The following PTPRK variants were observed in gnomAD, a reference collection of about 807,000 sequenced individuals.
PTPRK encodes the protein receptor-type tyrosine-protein phosphatase kappa.
In PTPRK, 75 loss-of-function variants were observed where a neutral mutation model predicts 178.0. That is an observed-to-expected ratio of 0.42 (90% CI 0.35 to 0.51). The LOEUF (loss-of-function observed/expected upper bound fraction) is 0.51, where lower values mean the gene tolerates loss of function less well. PTPRK is among the 20% of genes least tolerant of loss of function. The pLI is 0.02. For synonymous variants in PTPRK, 637 were observed against 620.6 expected (o/e 1.03, Z -0.39); for missense variants, 1,441 against 1,797.8 (o/e 0.80, Z 3.59).
Position 128,392,596 on chromosome 6 carries a change from GACAA to G in PTPRK, c.223+4966_223+4969del, listed in dbSNP as rs960119032. On this transcript the variant is annotated intron_variant, in intron 2 of 29. Coordinates refer to ENST00000368226, the MANE Select transcript of PTPRK (RefSeq NM_002844.4). Reference sequence around the variant, plus strand: ...ATGAGGTCATAAGCATAAAAAAATTGACAAACAATGTCAAGAACACACATGTCTT... The same window carrying G: ...ATGAGGTCATAAGCATAAAAAAATTGACAATGTCAAGAACACACATGTCTT... Among the ~76,000 whole-genome samples the G allele has an allele frequency of 3.9e-5, 6 of 152,094 alleles. No individual in the cohort carries two copies. In the East Asian group the frequency reaches 7.8e-4, roughly 20 times the overall value.
Position 128,240,089 on chromosome 6 carries a change from T to G in PTPRK, c.639A>C (p.Thr213=). ...DVEVNAGQNA[T]FQCIATGRDA... is the part of the protein sequence containing the mutation. ...CTCTCCCTGTGGCAATGCACTGAAA[T>G]GTAGCGTTTTGCCCTGCATTCACCT... Residue 213 remains threonine, a synonymous_variant, in exon 5 of 30, where the codon ACA becomes ACC. Transcript: ENST00000368226. 6.2e-7 allele frequency: 1 copy of G among 1,614,118 alleles called. No homozygotes were observed.
intron 11 of PTPRK, among the ~76,000 whole-genome samples, chr6:128,075,485 T>C (rs1229999674): frequency 6.6e-6 from 1 of 152,014 alleles, no homozygotes; most frequent in Non-Finnish European, 1.5e-5. Context: ...CCTTTGGCCA[T>C]GCTCATTTCT....
At chr6:128,156,000 A>G (rs1196844749) in intron 7 of PTPRK, among the ~76,000 whole-genome samples, 3 of 151,920 alleles carry the variant, frequency 2.0e-5, no homozygotes, top group Non-Finnish European at 4.4e-5. Flanking sequence ...CCAGGGTACA[A>G]ACACCAAGTT....
chr6:128,464,639 A>ATATATATATATATG lies in PTPRK; in HGVS notation c.100+55619_100+55620insCATATATATATATA, dbSNP rs1491376779. On this transcript the variant is annotated intron_variant, in intron 1 of 29. Coordinates refer to ENST00000368226, the MANE Select transcript of PTPRK (RefSeq NM_002844.4). ...CATATACATATATATATATATACAC[A>ATATATATATATATG]TATATATATATATATATATATATAT... is the stretch of plus-strand genomic sequence containing the variant. Among the ~76,000 whole-genome samples the ATATATATATATATG allele has an allele frequency of 6.2e-3, 28 of 4,492 alleles. 1 individual carries two copies. The highest frequency in any genetic ancestry group is 0.038 in the East Asian group (17 of 450). 2.9% of individuals were successfully genotyped at this position (4,492 alleles called of 152,430 possible).
chr6:128,066,700 C>CAATAAATA (rs138949244), intron 12 of PTPRK, among the ~76,000 whole-genome samples: 1,781 of 149,496 alleles, frequency 0.012, 26 homozygotes, highest in African/African-American at 0.039. Flanking sequence ...CTCTGTCTGC[C>CAATAAATA]AATAAATAAA....
intron 1 of PTPRK, among the ~76,000 whole-genome samples, chr6:128,442,829 T>A (rs2128401157): frequency 1.3e-5 from 2 of 152,340 alleles, no homozygotes; most frequent in South Asian, 4.1e-4. Flanking sequence ...CCCCTGCATC[T>A]TCATGGCTCT....
chr6:128,381,020 A>G (rs1363447253), intron 2 of PTPRK, among the ~76,000 whole-genome samples: 3 of 152,120 alleles, frequency 2.0e-5, no homozygotes, highest in Non-Finnish European at 4.4e-5. Flanking sequence ...TCAAATCTAG[A>G]TATTTGCTGG....
At chr6:128,460,033 A>G (rs577820141) in intron 1 of PTPRK, among the ~76,000 whole-genome samples, 1 of 152,282 alleles carries the variant, frequency 6.6e-6, no homozygotes, top group Non-Finnish European at 1.5e-5. Flanking sequence ...TACCAGGAGA[A>G]CAGCACTAGG....
chr6:128,433,499 T>G (rs1373396590), intron 1 of PTPRK, among the ~76,000 whole-genome samples: 1 of 151,624 alleles, frequency 6.6e-6, no homozygotes, highest in Non-Finnish European at 1.5e-5. Context: ...TTTTTTTTTG[T>G]ATTTTGTTTG....
At chr6:128,109,005 T>C (rs115153742) in intron 7 of PTPRK, among the ~76,000 whole-genome samples, 4,022 of 152,216 alleles carry the variant, frequency 0.026, 132 homozygotes, top group African/African-American at 0.061. Flanking sequence ...GTAGAGGGCT[T>C]CAACATATGG....
At chr6:128,294,167 T>C (rs899255388) in intron 3 of PTPRK, among the ~76,000 whole-genome samples, 3 of 152,138 alleles carry the variant, frequency 2.0e-5, no homozygotes, top group Non-Finnish European at 2.9e-5. Context: ...CGGTTTATTT[T>C]AGTAAATTTG....
chr6:128,479,148 C>A (rs1228099057), intron 1 of PTPRK, among the ~76,000 whole-genome samples: 2 of 152,094 alleles, frequency 1.3e-5, no homozygotes, highest in African/African-American at 4.8e-5. Context: ...ACTTGTCCTG[C>A]CACAAAGTTT....
chr6:128,012,136 CTG>C (rs2114728631), intron 13 of PTPRK, among the ~76,000 whole-genome samples: 1 of 151,348 alleles, frequency 6.6e-6, no homozygotes, highest in African/African-American at 2.4e-5. Flanking sequence ...TTTTCCTTGA[CTG>C]TGAATTCTCC....
chr6:128,217,330 C>T (rs1368284984), intron 6 of PTPRK, among the ~76,000 whole-genome samples: 4 of 151,282 alleles, frequency 2.6e-5, no homozygotes, highest in East Asian at 1.9e-4. Flanking sequence ...TGAAAATAGT[C>T]GTATTTAATC....
intron 20 of PTPRK, 84 bp from the exon 21 acceptor site, chr6:127,990,969 T>G: frequency 1.2e-6 from 1 of 814,774 alleles, no homozygotes; most frequent in Non-Finnish European, 2.0e-6. Flanking sequence ...AATAACTCCT[T>G]GTCACAATTA....
At chr6:128,399,682 T>C (rs1186751610) in intron 1 of PTPRK, among the ~76,000 whole-genome samples, 4 of 152,246 alleles carry the variant, frequency 2.6e-5, no homozygotes, top group South Asian at 4.1e-4. Flanking sequence ...GAGTGCCCTC[T>C]GTATATAAAT....
chr6:128,085,874 G>T (rs963418863), intron 8 of PTPRK, among the ~76,000 whole-genome samples: 2 of 152,162 alleles, frequency 1.3e-5, no homozygotes, highest in African/African-American at 4.8e-5. Context: ...ATACTTAGAT[G>T]AACTAAAAGA....
intron 7 of PTPRK, among the ~76,000 whole-genome samples, chr6:128,181,315 G>T (rs944543258): frequency 6.6e-6 from 1 of 151,994 alleles, no homozygotes; most frequent in Non-Finnish European, 1.5e-5. Context: ...ACAGTAAATT[G>T]TAAGTAATTT....
At chr6:128,177,495 A>G (rs1801251412) in intron 7 of PTPRK, among the ~76,000 whole-genome samples, 1 of 151,820 alleles carries the variant, frequency 6.6e-6, no homozygotes, top group South Asian at 2.1e-4. Context: ...GTAAAGTACT[A>G]TGAATAAATA....
Sources: allele counts gnomAD v4.1 joint callset (sites outside exome capture counted in the v4.1 genomes callset), GRCh38; gene constraint gnomAD v4.1.1; transcripts MANE v1.5; gene names NCBI Gene and HGNC (gene_info 2026-07-23, HGNC 2026-07-21).